Variants in SMOC2 observed in about 807,000 individuals in gnomAD.
SMOC2 encodes the protein SPARC-related modular calcium-binding protein 2.
SMOC2 carries 39 observed loss-of-function variants against 61.4 expected under a neutral mutation model. That is an observed-to-expected ratio of 0.64 (90% CI 0.49 to 0.83). SMOC2 has a LOEUF of 0.83. SMOC2 is among the 40% of genes least tolerant of loss of function. The pLI is 0.00. For missense variants in SMOC2, 556 were observed against 592.9 expected (o/e 0.94, Z 0.65); for synonymous variants, 247 against 239.9 (o/e 1.03, Z -0.27).
chr6:168,441,608 T>A (rs1781210506), intron 1 of SMOC2, among the ~76,000 whole-genome samples, 154 bp downstream of exon 1: 1 of 152,078 alleles, frequency 6.6e-6, no homozygotes, highest in Admixed American at 6.5e-5. Flanking sequence ...CCGGCGAGGC[T>A]GGAGCAGGTA....
At chr6:168,567,394 A>G (rs114802546) in intron 7 of SMOC2, among the ~76,000 whole-genome samples, 2,602 of 152,324 alleles carry the variant, frequency 0.017, 49 homozygotes, top group African/African-American at 0.046. Context: ...TTATGGGTAT[A>G]TACAAAATTT....
At chr6:168,566,225 A>T (rs1247193506) in intron 7 of SMOC2, among the ~76,000 whole-genome samples, 3 of 151,620 alleles carry the variant, frequency 2.0e-5, no homozygotes, top group Admixed American at 1.3e-4. Flanking sequence ...TATTCTTTGC[A>T]CCCCCTCTGC....
At chr6:168,560,117 A>G (rs1418682897) in intron 7 of SMOC2, among the ~76,000 whole-genome samples, 1 of 152,132 alleles carries the variant, frequency 6.6e-6, no homozygotes, top group Non-Finnish European at 1.5e-5. Context: ...AATAGAGGCA[A>G]CCTTTTTCCT....
At chr6:168,467,725 G>C (rs977670729) in intron 1 of SMOC2, among the ~76,000 whole-genome samples, 3 of 152,096 alleles carry the variant, frequency 2.0e-5, no homozygotes, top group Admixed American at 2.0e-4. Flanking sequence ...TTTTTGACCA[G>C]GGTGAATTTT....
chr6:168,590,188 T>G (rs1201580891), intron 7 of SMOC2, among the ~76,000 whole-genome samples: 27 of 105,864 alleles, frequency 2.6e-4, no homozygotes, highest in Admixed American at 3.9e-4. Flanking sequence ...GGTGTGGCAT[T>G]AGTTTAGGGG....
intron 7 of SMOC2, among the ~76,000 whole-genome samples, chr6:168,573,671 G>A (rs1464915067): frequency 6.6e-6 from 1 of 152,110 alleles, no homozygotes. Context: ...CGTGGCCCCT[G>A]CGTGCCCTGG....
intron 11 of SMOC2, among the ~76,000 whole-genome samples, chr6:168,662,151 G>C (rs1422006217): frequency 6.6e-6 from 1 of 152,186 alleles, no homozygotes; most frequent in Non-Finnish European, 1.5e-5. Flanking sequence ...TGATTCATTT[G>C]AAAACTATTG....
At chr6:168,460,174 A>G (rs1267510569) in intron 1 of SMOC2, among the ~76,000 whole-genome samples, 1 of 152,206 alleles carries the variant, frequency 6.6e-6, no homozygotes, top group African/African-American at 2.4e-5. Context: ...CACAATTAGC[A>G]CACTTAAGAC....
chr6:168,447,158 C>T (rs1010874630), intron 1 of SMOC2, among the ~76,000 whole-genome samples: 1 of 152,160 alleles, frequency 6.6e-6, no homozygotes, highest in African/African-American at 2.4e-5. Flanking sequence ...CCTCTGCCTC[C>T]TGGGCTCAAG....
At chr6:168,637,052 C>T (rs1786758104) in intron 9 of SMOC2, among the ~76,000 whole-genome samples, 2 of 151,568 alleles carry the variant, frequency 1.3e-5, no homozygotes, top group African/African-American at 2.4e-5. Context: ...TCAATCCAGA[C>T]GTAGATGTGA....
intron 1 of SMOC2, among the ~76,000 whole-genome samples, chr6:168,461,803 TCCCTA>T (rs1217896043): frequency 1.3e-5 from 2 of 152,190 alleles, no homozygotes; most frequent in Non-Finnish European, 1.5e-5. Flanking sequence ...TAGTGGCATT[TCCCTA>T]CCCATATTGT....
intron 11 of SMOC2, chr6:168,655,388 C>T (rs866813539): frequency 1.8e-5 from 8 of 456,490 alleles, no homozygotes; most frequent in East Asian, 1.4e-4. Context: ...CCTACCCAAC[C>T]GTGACAGGAA....
At chr6:168,554,490 G>A (rs966544337) in intron 7 of SMOC2, among the ~76,000 whole-genome samples, 3 of 152,186 alleles carry the variant, frequency 2.0e-5, no homozygotes, top group African/African-American at 7.2e-5. Context: ...CTGGGCTCCT[G>A]GGCTCCTGGG....
At chr6:168,471,287 C>A (rs1018748409) in intron 1 of SMOC2, among the ~76,000 whole-genome samples, 1 of 152,192 alleles carries the variant, frequency 6.6e-6, no homozygotes, top group African/African-American at 2.4e-5. Flanking sequence ...TTCTATCAAT[C>A]TGTCTTTATT....
intron 1 of SMOC2, among the ~76,000 whole-genome samples, chr6:168,480,717 T>C (rs766251827): frequency 6.6e-6 from 1 of 151,846 alleles, no homozygotes; most frequent in Non-Finnish European, 1.5e-5. Flanking sequence ...TGAAGAAACA[T>C]GAATATAAAG....
At chr6:168,564,522 T>C (rs1336622638) in intron 7 of SMOC2, among the ~76,000 whole-genome samples, 2 of 152,234 alleles carry the variant, frequency 1.3e-5, no homozygotes, top group Non-Finnish European at 2.9e-5. Context: ...CTAGAAAGCC[T>C]GAAAGGAAGT....
chr6:168,541,289 G>A (rs1392887459), intron 4 of SMOC2, among the ~76,000 whole-genome samples: 1 of 152,188 alleles, frequency 6.6e-6, no homozygotes, highest in African/African-American at 2.4e-5. Context: ...TTGTGTCTGT[G>A]AACAGCAAGC....
intron 1 of SMOC2, among the ~76,000 whole-genome samples, chr6:168,442,360 G>C (rs1021920053): frequency 7.2e-5 from 11 of 152,242 alleles, no homozygotes; most frequent in Admixed American, 2.6e-4. Flanking sequence ...GCTATGTAGA[G>C]GGGGCTGAGC....
intron 7 of SMOC2, among the ~76,000 whole-genome samples, chr6:168,551,940 G>A (rs1784139622): frequency 6.6e-6 from 1 of 152,142 alleles, no homozygotes. Context: ...CAGGCTTTTG[G>A]TATTTAGTGG....
Sources: allele counts gnomAD v4.1 joint callset (sites outside exome capture counted in the v4.1 genomes callset), GRCh38; gene constraint gnomAD v4.1.1; transcripts MANE v1.5; gene names NCBI Gene and HGNC (gene_info 2026-07-23, HGNC 2026-07-21).